Variants in LRRN4 observed in about 807,000 individuals in gnomAD.
LRRN4 encodes the protein leucine rich repeat neuronal 4.
A neutral mutation model predicts 22.3 loss-of-function variants in LRRN4; 26 were observed. That is an observed-to-expected ratio of 1.16 (90% CI 0.85 to 1.62). LRRN4 has a LOEUF of 1.62. Ranked by LOEUF, LRRN4 falls within the 40% of genes most tolerant of loss-of-function variation. The pLI is 0.00. For missense variants in LRRN4, 1,070 were observed against 1,008.5 expected, an observed-to-expected ratio of 1.06 and a Z score of -0.83; for synonymous variants, 496 against 486.2, an observed-to-expected ratio of 1.02 and a Z score of -0.26.
Position 6,041,701 on chromosome 20 carries a change from G to A in LRRN4, c.1544C>T (p.Ser515Phe). 6.2e-7 allele frequency: 1 copy of A among 1,613,332 alleles called. No individual in the cohort carries two copies. Among genetic ancestry groups the A allele is most frequent in the Non-Finnish European group, 8.5e-7 (1 of 1,179,484 alleles). Residue 515 changes from serine (S) to phenylalanine (F), a missense_variant, in exon 5 of 5, where the codon TCC (serine) becomes TTC (phenylalanine). Ser to Phe is a radical substitution (Grantham distance 155, BLOSUM62 -2). Coordinates refer to ENST00000378858, the MANE Select transcript of LRRN4 (RefSeq NM_152611.5). This position sits in a 1 kb window ranked among gnomAD's most constrained non-coding sequence, Gnocchi z 9.4. ...ATPQAPNPSLSEGEIPVLLLD... is the reference protein window; with the variant it reads ...ATPQAPNPSLFEGEIPVLLLD... ...CAGCAAGACTGGAATCTCGCCCTCGGAAAGACTCGGGTTGGGGGCTTGGGG... is the reference window on the plus strand; with the variant it reads ...CAGCAAGACTGGAATCTCGCCCTCGAAAAGACTCGGGTTGGGGGCTTGGGG...
At position 6,042,107 on chromosome 20, in the gene LRRN4, G is replaced by A. The variant is rs142910883; in HGVS notation, c.1138C>T (p.Arg380Cys). The change falls in exon 5 of 5, where the codon CGC becomes TGC. Residue 380 changes from arginine to cysteine, a missense_variant. Physicochemically the swap from Arg to Cys is radical, Grantham distance 180. Coordinates refer to ENST00000378858, the MANE Select transcript of LRRN4 (RefSeq NM_152611.5). ...LGASHPPCFN[R>C]STYAQGTTVA... ...GTGGTACCCTGTGCGTAGGTGGAGCGGTTGAAGCAAGGTGGGTGTGAAGCC... is the reference window on the plus strand; with the variant it reads ...GTGGTACCCTGTGCGTAGGTGGAGCAGTTGAAGCAAGGTGGGTGTGAAGCC... 1.1e-4 allele frequency: 170 copies of A among 1,614,162 alleles called. No homozygotes were observed. Among genetic ancestry groups the A allele is most frequent in the African/African-American group, 7.2e-4 (54 of 75,060 alleles).
At chr20:6,048,946 G>A (rs1421956068) in intron 3 of LRRN4, among the ~76,000 whole-genome samples, 1 of 152,238 alleles carries the variant, frequency 6.6e-6, no homozygotes, top group Non-Finnish European at 1.5e-5. Context: ...GAAGGCTGGA[G>A]AAGCACCAGG....
intron 3 of LRRN4, among the ~76,000 whole-genome samples, chr20:6,048,677 C>T (rs970305850): frequency 2.0e-5 from 3 of 152,142 alleles, no homozygotes; most frequent in Non-Finnish European, 4.4e-5. Context: ...ACAACAGGTT[C>T]GTGTTATTAT....
At chr20:6,043,345 T>A (rs1981017933) in intron 4 of LRRN4, among the ~76,000 whole-genome samples, 1 of 151,788 alleles carries the variant, frequency 6.6e-6, no homozygotes, top group South Asian at 2.1e-4. Context: ...AGCCCAGTAG[T>A]CTGAGGCTGC....
At chr20:6,045,249 G>A (rs1021264270) in intron 3 of LRRN4, among the ~76,000 whole-genome samples, 2 of 148,292 alleles carry the variant, frequency 1.3e-5, no homozygotes, top group Admixed American at 6.8e-5. Context: ...GACCAGCCTG[G>A]CCAACATGGT....
At position 6,041,001 on chromosome 20, in the gene LRRN4, C is replaced by T. The variant is rs370695742; in HGVS notation, c.*21G>A. 23 of 1,611,276 alleles carry T rather than the reference C, an allele frequency of 1.4e-5. No homozygotes were observed. In the African/African-American group the frequency reaches 2.7e-4, roughly 19 times the overall value. On this transcript the variant is annotated 3_prime_UTR_variant, in exon 5 of 5. Transcript: ENST00000378858. The surrounding 1 kb of genome is among the most constrained non-coding windows in gnomAD (Gnocchi z 9.4). ...TGCGCTCAGATCCAGTTCGATGAGACGCGTTATCCCAGAAGCTGGGCTAAC... is the reference window on the plus strand; with the variant it reads ...TGCGCTCAGATCCAGTTCGATGAGATGCGTTATCCCAGAAGCTGGGCTAAC...
rs774298693 is a variant in LRRN4 at position 6,052,598 on chromosome 20, G to T, written c.202C>A (p.Arg68Ser). Residue 68 changes from arginine (R) to serine (S), a missense_variant, in exon 2 of 5, where the codon CGC (arginine) becomes AGC (serine). Physicochemically the swap from Arg to Ser is moderately radical, Grantham distance 110. Transcript: ENST00000378858. ...GTGCGCGGTAGGCAGCCGGGCAGGCGCTCCAGGTTGCGGTTCGCCAGGGTC... is the reference window on the plus strand; with the variant it reads ...GTGCGCGGTAGGCAGCCGGGCAGGCTCTCCAGGTTGCGGTTCGCCAGGGTC... ...ALTLANRNLE[R>S]LPGCLPRTLR... The T allele has an allele frequency of 2.5e-6, 4 of 1,586,026 alleles. No individual in the cohort carries two copies. Among genetic ancestry groups the T allele is most frequent in the African/African-American group, 1.3e-5 (1 of 74,658 alleles).
In LRRN4 at chr20:6,046,904, T is replaced by TTG. The variant is rs1412620501; in HGVS notation, c.861-2226_861-2225dup. Among the ~76,000 whole-genome samples, 5 of 151,424 alleles carry TTG rather than the reference T, an allele frequency of 3.3e-5. No individual in the cohort carries two copies. In the East Asian group the frequency reaches 7.8e-4, roughly 24 times the overall value. On this transcript the variant is annotated intron_variant, in intron 3 of 4. Transcript: ENST00000378858. ...TAGAATGAGAGTTCAATCAGTATTT[T>TTG]TGTGTGTGTGTGGAAAGGAAATGCT...
Position 6,052,166 on chromosome 20 carries a change from T to C in LRRN4, c.634A>G (p.Ser212Gly), listed in dbSNP as rs756752218. Residue 212 changes from serine to glycine, a missense_variant, in exon 2 of 5, where the codon AGC becomes GGC. Coordinates refer to ENST00000378858, the MANE Select transcript of LRRN4 (RefSeq NM_152611.5). Reference sequence around the variant, plus strand: ...TCACCCCGTTCAAGGAACGTGCCGCTGAGATCCAGGACTTCGAGCGTGACC... The same window carrying C: ...TCACCCCGTTCAAGGAACGTGCCGCCGAGATCCAGGACTTCGAGCGTGACC... Reference protein sequence around the residue: ...PLVTLEVLDLSGTFLERVESG... With the variant: ...PLVTLEVLDLGGTFLERVESG... 3 of 1,598,990 alleles carry C rather than the reference T, an allele frequency of 1.9e-6. No individual in the cohort carries two copies. The South Asian group carries it at 3.4e-5, about 18-fold the overall frequency.
In LRRN4 at chr20:6,041,850, A is replaced by G; in HGVS notation, c.1395T>C (p.Leu465=). Residue 465 remains leucine, a synonymous_variant, in exon 5 of 5, where the codon CTT becomes CTC. Transcript: ENST00000378858. This position sits in a 1 kb window ranked among gnomAD's most constrained non-coding sequence, Gnocchi z 9.4. ...TQHRGEHAPE[L]VLEPDISAAS... is the part of the protein sequence containing the mutation. ...CAGCTGAGATATCAGGCTCAAGGAC[A>G]AGCTCGGGGGCATGTTCTCCTCGGT... 2 of 1,614,068 alleles carry G rather than the reference A, an allele frequency of 1.2e-6. No individual in the cohort carries two copies. The highest frequency in any genetic ancestry group is 1.7e-6 in the Non-Finnish European group (2 of 1,180,006).
rs752623533 is a variant in LRRN4 at position 6,041,634 on chromosome 20, C to T, written c.1611G>A (p.Glu537=). Residue 537 remains glutamate (E), a synonymous_variant, in exon 5 of 5, where the codon GAG becomes GAA. Transcript: ENST00000378858. This position sits in a 1 kb window ranked among gnomAD's most constrained non-coding sequence, Gnocchi z 9.4. ...YSEEEEGRKE[E]VGTPHQDVPC... is the part of the protein sequence containing the mutation. ...GGACGTCCTGGTGAGGCGTTCCCAC[C>T]TCCTCCTTCCTCCCTTCCTCCTCCT... is the stretch of plus-strand genomic sequence containing the variant. The T allele has an allele frequency of 7.5e-6, 12 of 1,599,416 alleles. No homozygotes were observed. In the East Asian group the frequency reaches 2.2e-4, roughly 30 times the overall value.
Position 6,041,532 on chromosome 20 carries a change from G to A in LRRN4, c.1713C>T (p.Pro571=), listed in dbSNP as rs555054750. Residue 571 remains proline (P), a synonymous_variant, in exon 5 of 5, where the codon CCC becomes CCT. Coordinates refer to ENST00000378858, the MANE Select transcript of LRRN4 (RefSeq NM_152611.5). This position sits in a 1 kb window ranked among gnomAD's most constrained non-coding sequence, Gnocchi z 9.4. Reference sequence around the variant, plus strand: ...GGATGGTGTCTTCCCCGCTGAGGCCGGGGCACCGGCACCGCCACCGCCTCT... The same window carrying A: ...GGATGGTGTCTTCCCCGCTGAGGCCAGGGCACCGGCACCGCCACCGCCTCT... ...ELQRRWRCRC[P]GLSGEDTIPD... is the part of the protein sequence containing the mutation. 2 of 1,552,168 alleles carry A rather than the reference G, an allele frequency of 1.3e-6. No individual in the cohort carries two copies. Among genetic ancestry groups the A allele is most frequent in the Non-Finnish European group, 1.7e-6 (2 of 1,148,482 alleles).
chr20:6,046,406 A>T (rs1171859669), intron 3 of LRRN4, among the ~76,000 whole-genome samples: 1 of 148,608 alleles, frequency 6.7e-6, no homozygotes, highest in African/African-American at 2.4e-5. Context: ...CCATTTTTGC[A>T]TAGAGTCTAC....
At chr20:6,046,913 T>C (rs1470820378) in intron 3 of LRRN4, among the ~76,000 whole-genome samples, 1 of 151,646 alleles carries the variant, frequency 6.6e-6, no homozygotes, top group African/African-American at 2.4e-5. Context: ...TTTGTGTGTG[T>C]GTGGAAAGGA....
At chr20:6,050,425 T>G (rs955194921) in intron 3 of LRRN4, among the ~76,000 whole-genome samples, 5 of 152,348 alleles carry the variant, frequency 3.3e-5, no homozygotes, top group African/African-American at 1.2e-4. Flanking sequence ...GGGACTGAAC[T>G]TGCATGACAT....
chr20:6,048,554 C>A lies in LRRN4; in HGVS notation c.860+2225G>T, dbSNP rs1359980812. Among the ~76,000 whole-genome samples the A allele has an allele frequency of 2.0e-5, 3 of 152,166 alleles. No homozygotes were observed. In the East Asian group the frequency reaches 5.8e-4, roughly 29 times the overall value. ...AACTGGGGAAATGTATTTAACATCC[C>A]TGTGTCTCAGTTTTTTCATCTGCGA... On this transcript the variant is annotated intron_variant, in intron 3 of 4. Transcript: ENST00000378858.
chr20:6,042,366 C>T, intron 4 of LRRN4, 120 bp from the exon 5 acceptor site: 1 of 1,116,024 alleles, frequency 9.0e-7, no homozygotes, highest in Non-Finnish European at 1.2e-6. Context: ...CTCTGCCAGG[C>T]ACCCCAGGGC....
In LRRN4 at chr20:6,050,778, C is replaced by T. The variant is rs1173582432; in HGVS notation, c.860+1G>A. ...TGAAGATGTGCCTCAGAAGCACTTA[C>T]TTCTGGAACAGAAGGACCTGTAGAT... On this transcript the variant is annotated splice_donor_variant, in intron 3 of 4. Coordinates refer to ENST00000378858, the MANE Select transcript of LRRN4 (RefSeq NM_152611.5). LOFTEE classifies it high-confidence loss of function. 1 of 1,613,456 alleles carries T rather than the reference C, an allele frequency of 6.2e-7. No homozygotes were observed.
intron 3 of LRRN4, among the ~76,000 whole-genome samples, chr20:6,048,227 T>C (rs369001015): frequency 0.099 from 14,993 of 152,110 alleles, 888 homozygotes; most frequent in Middle Eastern, 0.21. Context: ...TCTCCTGGTT[T>C]TTCTGCTACT....
Sources: gnomAD v4.1 joint callset for allele counts (sites outside exome capture counted in the v4.1 genomes callset) on GRCh38, gnomAD v4.1.1 for gene constraint, Gnocchi (gnomAD v3.1) non-coding constraint, MANE v1.5 for transcripts, NCBI Gene and HGNC (gene_info 2026-07-23, HGNC 2026-07-21) for gene names.